BCKDHB: variants seen among roughly 807,000 people sequenced by gnomAD.
BCKDHB encodes the protein 2-oxoisovalerate dehydrogenase subunit beta, mitochondrial.
In BCKDHB, 41 loss-of-function variants were observed where a neutral mutation model predicts 48.5. The ratio of observed to expected loss-of-function variants is 0.85; its 90% CI spans 0.66 to 1.10. BCKDHB has a LOEUF of 1.10. Among genes scored for constraint, BCKDHB ranks in the 50% least tolerant of loss-of-function variants. BCKDHB has a pLI of 0.00. For synonymous variants in BCKDHB, 201 were observed against 174.8 expected (o/e 1.15, Z -1.18); for missense variants, 496 against 494.2 (o/e 1.00, Z -0.03).
intron 9 of BCKDHB, among the ~76,000 whole-genome samples, chr6:80,302,704 T>G (rs967288568): frequency 6.6e-6 from 1 of 152,206 alleles, no homozygotes; most frequent in Non-Finnish European, 1.5e-5. Context: ...CAACCAGTTA[T>G]TTCTATCGAT....
At chr6:80,226,839 A>G (rs888813815) in intron 8 of BCKDHB, among the ~76,000 whole-genome samples, 3 of 152,186 alleles carry the variant, frequency 2.0e-5, no homozygotes, top group African/African-American at 7.2e-5. Context: ...GCAGGCCACC[A>G]GGCTATAAGT....
intron 9 of BCKDHB, among the ~76,000 whole-genome samples, chr6:80,274,332 C>T (rs1162627093): frequency 6.6e-6 from 1 of 151,772 alleles, no homozygotes; most frequent in African/African-American, 2.4e-5. Flanking sequence ...GTAAGAAAAG[C>T]AAATATTTGA....
intron 3 of BCKDHB, among the ~76,000 whole-genome samples, chr6:80,135,487 T>C (rs1770841099): frequency 6.6e-6 from 1 of 152,138 alleles, no homozygotes; most frequent in Non-Finnish European, 1.5e-5. Context: ...AAATCTGGTT[T>C]CCTAATATAT....
chr6:80,340,224 T>C (rs1303237465), intron 9 of BCKDHB, among the ~76,000 whole-genome samples: 1 of 152,254 alleles, frequency 6.6e-6, no homozygotes, highest in Non-Finnish European at 1.5e-5. Context: ...ACCTGTCATA[T>C]GTGCTTTCAC....
chr6:80,253,347 G>A (rs779242602), intron 8 of BCKDHB, among the ~76,000 whole-genome samples: 5 of 152,196 alleles, frequency 3.3e-5, no homozygotes, highest in Non-Finnish European at 7.3e-5. Context: ...GATCTAGAGA[G>A]GAAGGTTGCA....
chr6:80,133,965 AAGTAATG>A (rs1770757609), intron 3 of BCKDHB, among the ~76,000 whole-genome samples: 1 of 152,130 alleles, frequency 6.6e-6, no homozygotes, highest in African/African-American at 2.4e-5. Context: ...TCATTCATAT[AAGTAATG>A]AGACAGATTC....
At chr6:80,127,158 A>G (rs1770385878) in intron 1 of BCKDHB, 3 of 248,556 alleles carry the variant, frequency 1.2e-5, no homozygotes, top group Admixed American at 5.1e-5. Context: ...TATTTAGCAC[A>G]TGCCACTGGT....
chr6:80,320,668 A>G (rs1053421672), intron 9 of BCKDHB, among the ~76,000 whole-genome samples: 2 of 152,210 alleles, frequency 1.3e-5, no homozygotes, highest in Non-Finnish European at 2.9e-5. Context: ...TAATATTTGC[A>G]TAGTCATAAA....
intron 8 of BCKDHB, among the ~76,000 whole-genome samples, chr6:80,268,851 G>A (rs1777618455): frequency 6.6e-6 from 1 of 152,106 alleles, no homozygotes; most frequent in South Asian, 2.1e-4. Flanking sequence ...GTATAACTTA[G>A]CAGCTCTCTT....
intron 8 of BCKDHB, among the ~76,000 whole-genome samples, chr6:80,256,602 A>G (rs1777061841): frequency 6.6e-6 from 1 of 152,186 alleles, no homozygotes; most frequent in African/African-American, 2.4e-5. Flanking sequence ...AAATTCATAA[A>G]ATCATCCATT....
intron 8 of BCKDHB, among the ~76,000 whole-genome samples, chr6:80,220,304 G>GTTTTTTTTTTTTTTTTTTTTTTT (rs56967096): frequency 4.9e-5 from 3 of 60,856 alleles, no homozygotes; most frequent in African/African-American, 1.3e-4. Context: ...CATGCTATTT[G>GTTTTTTTTTTTTTTTTTTTTTTT]TTTTTTTTTT....
chr6:80,126,957 A>C (rs1770375171), intron 1 of BCKDHB, among the ~76,000 whole-genome samples: 1 of 152,126 alleles, frequency 6.6e-6, no homozygotes, highest in Non-Finnish European at 1.5e-5. Flanking sequence ...ATTCCTCCTA[A>C]AAAATCCATT....
chr6:80,351,414 T>C, the BCKDHB span, among the ~76,000 whole-genome samples: 9 of 152,278 alleles, frequency 5.9e-5, no homozygotes, highest in East Asian at 9.7e-4. Context: ...TTTTCTGTTC[T>C]TGTAGTTACA....
chr6:80,157,232 G>T (rs757755855), intron 3 of BCKDHB, among the ~76,000 whole-genome samples: 14 of 151,716 alleles, frequency 9.2e-5, no homozygotes, highest in Non-Finnish European at 1.9e-4. Context: ...CTAATACATG[G>T]CTACCTAAAA....
chr6:80,254,861 G>A (rs1407147402), intron 8 of BCKDHB, among the ~76,000 whole-genome samples: 4 of 152,086 alleles, frequency 2.6e-5, no homozygotes, highest in Non-Finnish European at 5.9e-5. Context: ...TGGACTTTTG[G>A]CCTCCTGAAC....
intron 3 of BCKDHB, among the ~76,000 whole-genome samples, chr6:80,162,449 T>A (rs1448398542): frequency 6.6e-6 from 1 of 152,180 alleles, no homozygotes; most frequent in African/African-American, 2.4e-5. Flanking sequence ...ACGGTTCCAG[T>A]TATTATTCCT....
intron 8 of BCKDHB, among the ~76,000 whole-genome samples, chr6:80,240,241 A>C (rs1464629537): frequency 6.6e-6 from 1 of 151,970 alleles, no homozygotes; most frequent in Non-Finnish European, 1.5e-5. Flanking sequence ...CTTGGGCAGT[A>C]TGGCCATTTT....
intron 9 of BCKDHB, among the ~76,000 whole-genome samples, chr6:80,332,178 C>G (rs1769346294): frequency 6.6e-6 from 1 of 152,096 alleles, no homozygotes; most frequent in Non-Finnish European, 1.5e-5. Context: ...CTTTACACCT[C>G]TCATGAGAGC....
chr6:80,366,749 T>C, the BCKDHB span, among the ~76,000 whole-genome samples: 4 of 152,182 alleles, frequency 2.6e-5, no homozygotes, highest in African/African-American at 7.2e-5. Flanking sequence ...CCTTGCTGCA[T>C]TAATATTCTT....
Sources: allele counts gnomAD v4.1 joint callset (sites outside exome capture counted in the v4.1 genomes callset), GRCh38; gene constraint gnomAD v4.1.1; transcripts MANE v1.5; gene names NCBI Gene and HGNC (gene_info 2026-07-23, HGNC 2026-07-21).